GALNT18: variants seen among roughly 807,000 people sequenced by gnomAD.
The protein encoded by GALNT18 is GalNAc-transferase 18.
Under a neutral mutation model 69.5 loss-of-function variants are expected in GALNT18, and 44 were observed. The observed-to-expected ratio is 0.63, with a 90% confidence interval of 0.50 to 0.81. GALNT18 has a LOEUF of 0.81. GALNT18 is among the 40% of genes least tolerant of loss of function. GALNT18 has a pLI of 0.00. For synonymous variants in GALNT18, 364 were observed against 318.2 expected, an observed-to-expected ratio of 1.14 and a Z score of -1.53; for missense variants, 715 against 810.0, an observed-to-expected ratio of 0.88 and a Z score of 1.42.
rs145165588 is a variant in GALNT18 at position 11,492,527 on chromosome 11, G to T, written c.236-43591C>A. ...GTCCATCAATGATAGACTGGATAAA[G>T]AAAATGTGGTACATATATGCCATGG... On this transcript the variant is annotated intron_variant, in intron 1 of 10. Coordinates refer to ENST00000227756, the MANE Select transcript of GALNT18 (RefSeq NM_198516.3). Among the ~76,000 whole-genome samples, 87 of 152,324 alleles carry T rather than the reference G, an allele frequency of 5.7e-4. 1 individual carries two copies. The East Asian group carries it at 0.012, about 21-fold the overall frequency.
chr11:11,519,225 C>A (rs1243977457), intron 1 of GALNT18, among the ~76,000 whole-genome samples: 1 of 152,182 alleles, frequency 6.6e-6, no homozygotes, highest in African/African-American at 2.4e-5. Flanking sequence ...AAATTTCCAA[C>A]TGAGTTTAAT....
chr11:11,342,534 C>T lies in GALNT18; in HGVS notation c.1093-1530G>A, dbSNP rs1850227278. Among the ~76,000 whole-genome samples the T allele has an allele frequency of 3.3e-5, 5 of 152,222 alleles. No individual in the cohort carries two copies. In the South Asian group the frequency reaches 6.2e-4, roughly 19 times the overall value. ...CCTTCCCTTTCACCCATCCATGTCA[C>T]ACCAGTTGGCCCCTATAGGCTCTAG... On this transcript the variant is annotated intron_variant, in intron 6 of 10. Coordinates refer to ENST00000227756, the MANE Select transcript of GALNT18 (RefSeq NM_198516.3).
At chr11:11,585,667 T>C (rs1481715214) in intron 1 of GALNT18, among the ~76,000 whole-genome samples, 7 of 152,196 alleles carry the variant, frequency 4.6e-5, no homozygotes, top group Non-Finnish European at 5.9e-5. Context: ...AAAAATCTTT[T>C]TCATACTTCA....
At position 11,496,130 on chromosome 11, in the gene GALNT18, G is replaced by C. The variant is rs1856862016; in HGVS notation, c.236-47194C>G. Among the ~76,000 whole-genome samples, 1 of 152,232 alleles carries C rather than the reference G, an allele frequency of 6.6e-6. No individual in the cohort carries two copies. The highest frequency in any genetic ancestry group is 1.5e-5 in the Non-Finnish European group (1 of 68,038). ...GGAGCTTCTTGTGTGTTTGTTGAAT[G>C]AATGAATGAATGAATGAACAAATAT... On this transcript the variant is annotated intron_variant, in intron 1 of 10. Transcript: ENST00000227756. The surrounding 1 kb of genome is among the most constrained non-coding windows in gnomAD (Gnocchi z 4.0).
At position 11,402,769 on chromosome 11, in the gene GALNT18, C is replaced by T. The variant is rs956156174; in HGVS notation, c.596-23505G>A. 1.3e-5 allele frequency among the ~76,000 whole-genome samples: 2 copies of T among 152,162 alleles called. No homozygotes were observed. The highest frequency in any genetic ancestry group is 2.4e-5 in the African/African-American group (1 of 41,424). Reference sequence around the variant, plus strand: ...GCCTTGCAGCTGCGGGTAAGAACAGCGTCTGCAGGAGGGAAATAGGAAGAT... The same window carrying T: ...GCCTTGCAGCTGCGGGTAAGAACAGTGTCTGCAGGAGGGAAATAGGAAGAT... On this transcript the variant is annotated intron_variant, in intron 3 of 10. Coordinates refer to ENST00000227756, the MANE Select transcript of GALNT18 (RefSeq NM_198516.3). This position sits in a 1 kb window ranked among gnomAD's most constrained non-coding sequence, Gnocchi z 4.0.
At chr11:11,572,370 C>G (rs1447025784) in intron 1 of GALNT18, among the ~76,000 whole-genome samples, 1 of 152,160 alleles carries the variant, frequency 6.6e-6, no homozygotes, top group East Asian at 1.9e-4. Flanking sequence ...ACTGTCAGCA[C>G]CAGATGAAGC....
At chr11:11,608,931 A>T (rs1748989552) in intron 1 of GALNT18, among the ~76,000 whole-genome samples, 1 of 152,184 alleles carries the variant, frequency 6.6e-6, no homozygotes, top group Non-Finnish European at 1.5e-5. Context: ...CTATTCCTCC[A>T]TGAAGTCTAT....
chr11:11,553,133 C>G (rs1017261457), intron 1 of GALNT18, among the ~76,000 whole-genome samples: 5 of 152,204 alleles, frequency 3.3e-5, no homozygotes, highest in African/African-American at 1.2e-4. Context: ...GAAGCAGAAA[C>G]TCTGGGGTGT....
intron 8 of GALNT18, among the ~76,000 whole-genome samples, chr11:11,329,874 C>G (rs940521872): frequency 2.0e-5 from 3 of 152,214 alleles, no homozygotes; most frequent in Admixed American, 2.0e-4. Flanking sequence ...GTGCAAATGG[C>G]TATAATCCTG....
At position 11,340,319 on chromosome 11, in the gene GALNT18, T is replaced by C. The variant is rs916990875; in HGVS notation, c.1278+500A>G. On this transcript the variant is annotated intron_variant, in intron 7 of 10. Transcript: ENST00000227756. This position sits in a 1 kb window ranked among gnomAD's most constrained non-coding sequence, Gnocchi z 4.2. ...ATCTCCTAGTGAAGGTCCCTGTAGG[T>C]GTGCCCCCATCCCCATACACGTGGC... is the stretch of plus-strand genomic sequence containing the variant. Among the ~76,000 whole-genome samples the C allele has an allele frequency of 1.1e-4, 7 of 66,178 alleles. No individual in the cohort carries two copies. The highest frequency in any genetic ancestry group is 5.7e-4 in the African/African-American group (7 of 12,200). The allele number at this position is 66,178 out of a possible 152,430, so 43.4% of individuals were successfully genotyped here.
intron 1 of GALNT18, among the ~76,000 whole-genome samples, chr11:11,502,550 G>A (rs1482212676): frequency 2.0e-5 from 3 of 152,200 alleles, no homozygotes; most frequent in Non-Finnish European, 4.4e-5. Context: ...CCAGATGTGG[G>A]CCAGTGTCAG....
chr11:11,330,429 G>T (rs990353239), intron 8 of GALNT18, among the ~76,000 whole-genome samples: 1 of 152,204 alleles, frequency 6.6e-6, no homozygotes, highest in Non-Finnish European at 1.5e-5. Context: ...CCCATTAAGA[G>T]TTCATTATGC....
chr11:11,355,513 C>A (rs553565294), intron 6 of GALNT18, among the ~76,000 whole-genome samples: 1 of 152,206 alleles, frequency 6.6e-6, no homozygotes, highest in East Asian at 1.9e-4. Context: ...AGTAGCACCC[C>A]CTTTCACTCG....
chr11:11,450,930 T>C (rs1254540455), intron 1 of GALNT18, among the ~76,000 whole-genome samples: 1 of 152,118 alleles, frequency 6.6e-6, no homozygotes, highest in Non-Finnish European at 1.5e-5. Context: ...GTCCTCCCAC[T>C]ATGCTATACA....
At position 11,617,608 on chromosome 11, in the gene GALNT18, A is replaced by T. The variant is rs2133974050; in HGVS notation, c.235+3751T>A. 6.6e-6 allele frequency among the ~76,000 whole-genome samples: 1 copy of T among 152,372 alleles called. No individual in the cohort carries two copies. Among genetic ancestry groups the T allele is most frequent in the South Asian group, 2.1e-4 (1 of 4,828 alleles). On this transcript the variant is annotated intron_variant, in intron 1 of 10. Coordinates refer to ENST00000227756, the MANE Select transcript of GALNT18 (RefSeq NM_198516.3). This position sits in a 1 kb window ranked among gnomAD's most constrained non-coding sequence, Gnocchi z 4.7. ...ATCCAGAAGGAAATGCTCAAAATGC[A>T]AACTGATTTTTAGGGTAGAATGAAT...
rs202080035 is a variant in GALNT18 at position 11,599,662 on chromosome 11, TA to T, written c.235+21696del. Among the ~76,000 whole-genome samples the T allele has an allele frequency of 7.9e-3, 1,191 of 151,554 alleles. 1 individual carries two copies. The highest frequency in any genetic ancestry group is 9.9e-3 in the Non-Finnish European group (669 of 67,898). On this transcript the variant is annotated intron_variant, in intron 1 of 10. Coordinates refer to ENST00000227756, the MANE Select transcript of GALNT18 (RefSeq NM_198516.3). The stretch of plus-strand genomic sequence containing the variant: ...TACTTTTTGTTTTCTATATCTCATA[TA>T]TTTTTTGTTCCTCCTTTCCTTAGTT...
chr11:11,585,801 G>GTTTT (rs57051547), intron 1 of GALNT18, among the ~76,000 whole-genome samples: 34 of 115,850 alleles, frequency 2.9e-4, no homozygotes, highest in African/African-American at 1.1e-3. Flanking sequence ...TTCTCAATAA[G>GTTTT]TTTTTTTTTT....
chr11:11,355,001 C>T (rs1423839721), intron 6 of GALNT18, among the ~76,000 whole-genome samples: 1 of 152,180 alleles, frequency 6.6e-6, no homozygotes, highest in Non-Finnish European at 1.5e-5. Flanking sequence ...AATCACTTCT[C>T]TCCATCTGCA....
rs754606779 is a variant in GALNT18, at chr11:11,540,637, G to A, written c.235+80722C>T. Among the ~76,000 whole-genome samples, 1 of 152,118 alleles carries A rather than the reference G, an allele frequency of 6.6e-6. No homozygotes were observed. The highest frequency in any genetic ancestry group is 1.5e-5 in the Non-Finnish European group (1 of 68,030). On this transcript the variant is annotated intron_variant, in intron 1 of 10. Coordinates refer to ENST00000227756, the MANE Select transcript of GALNT18 (RefSeq NM_198516.3). The surrounding 1 kb of genome is among the most constrained non-coding windows in gnomAD (Gnocchi z 4.6). ...GCGAGTTTCCCTTGGCCTGCCCTGC[G>A]ATTTGGGGGTGATGCTTTGTGATTT...
Sources: gnomAD v4.1 joint callset for allele counts (sites outside exome capture counted in the v4.1 genomes callset) on GRCh38, gnomAD v4.1.1 for gene constraint, Gnocchi (gnomAD v3.1) non-coding constraint, MANE v1.5 for transcripts, NCBI Gene and HGNC (gene_info 2026-07-23, HGNC 2026-07-21) for gene names.